Variants in NCOR2 observed in about 807,000 individuals in gnomAD.
NCOR2 encodes nuclear receptor corepressor 2.
Under a neutral mutation model 262.9 loss-of-function variants are expected in NCOR2, and 81 were observed. That is an observed-to-expected ratio of 0.31 (90% CI 0.26 to 0.37). NCOR2 has a LOEUF of 0.37. Ranked by LOEUF, NCOR2 falls within the 10% of genes least tolerant of loss-of-function variation. The probability of loss-of-function intolerance (pLI) is 1.00; values close to 1 mark genes in which losing one functional copy is unlikely to be tolerated. For missense variants in NCOR2, 3,385 were observed against 3,621.4 expected, an observed-to-expected ratio of 0.93 and a Z score of 1.68; for synonymous variants, 1,659 against 1,559.3, an observed-to-expected ratio of 1.06 and a Z score of -1.51.
intron 1 of NCOR2, among the ~76,000 whole-genome samples, chr12:124,550,362 G>A (rs1239744964): frequency 6.6e-6 from 1 of 152,112 alleles, no homozygotes; most frequent in Non-Finnish European, 1.5e-5. Context: ...CTGAACCCAG[G>A]TCCCACTGAC....
At chr12:124,474,364 C>T (rs555339035) in intron 3 of NCOR2, among the ~76,000 whole-genome samples, 14 of 152,236 alleles carry the variant, frequency 9.2e-5, no homozygotes, top group African/African-American at 3.4e-4. Context: ...TTTATTTGCC[C>T]GTTATTTTTT....
chr12:124,533,772 G>A (rs1196103922), intron 1 of NCOR2, among the ~76,000 whole-genome samples: 3 of 152,148 alleles, frequency 2.0e-5, no homozygotes, highest in Non-Finnish European at 4.4e-5. Flanking sequence ...GTGGGAGCAC[G>A]ATGGGGGTGG....
At chr12:124,441,763 A>G (rs2044825289) in intron 7 of NCOR2, among the ~76,000 whole-genome samples, 1 of 152,206 alleles carries the variant, frequency 6.6e-6, no homozygotes, top group Admixed American at 6.5e-5. Context: ...AACAGAGCAA[A>G]GGAGGGATAA....
chr12:124,388,281 G>A (rs2040966440), intron 16 of NCOR2, among the ~76,000 whole-genome samples: 2 of 152,186 alleles, frequency 1.3e-5, no homozygotes, highest in Non-Finnish European at 2.9e-5. Flanking sequence ...CTGCGGGGTA[G>A]GGGCAGGCTG....
chr12:124,350,472 C>T (rs1323811603), intron 28 of NCOR2, 115 bp downstream of exon 30: 6 of 1,372,696 alleles, frequency 4.4e-6, no homozygotes, highest in Non-Finnish European at 6.0e-6. Context: ...GAGGTCACCA[C>T]CTATCAGATT....
At position 124,362,581 on chromosome 12, in the gene NCOR2, C is replaced by T. The variant is rs367914186; in HGVS notation, c.2929-284G>A. ...TGGTGAACAGGGGGAACCCACCTCC[C>T]CAGACAGCCTAGCCCAGCTGCCTGG... On this transcript the variant is annotated intron_variant, in intron 21 of 46. Transcript: ENST00000405201. Among the ~76,000 whole-genome samples, 150 of 146,084 alleles carry T rather than the reference C, an allele frequency of 1.0e-3. 1 individual carries two copies. The highest frequency in any genetic ancestry group is 3.8e-3 in the African/African-American group (147 of 38,844).
Position 124,377,075 on chromosome 12 carries a change from C to T in NCOR2, c.2167+1162G>A, listed in dbSNP as rs919787246. 1.6e-4 allele frequency among the ~76,000 whole-genome samples: 25 copies of T among 152,322 alleles called. 1 individual carries two copies. The highest frequency in any genetic ancestry group is 5.8e-4 in the African/African-American group (24 of 41,570). ...GTGGATGCACTCGTGACCGAGAGTG[C>T]GGGGCCAGGTGTCGGCAGCCCGTGT... On this transcript the variant is annotated intron_variant, in intron 18 of 46. Coordinates refer to ENST00000405201, the Ensembl canonical transcript of NCOR2.
chr12:124,327,279 A>T, intron 45 of NCOR2, 130 bp downstream of exon 47: 1 of 769,492 alleles, frequency 1.3e-6, no homozygotes. Flanking sequence ...AACGAGGTCA[A>T]ACACGCACAA....
chr12:124,465,951 C>A (rs927627089), intron 5 of NCOR2, among the ~76,000 whole-genome samples: 2 of 152,234 alleles, frequency 1.3e-5, no homozygotes, highest in Non-Finnish European at 2.9e-5. Context: ...ACAGTCCACA[C>A]CCATCTGAGT....
At chr12:124,444,509 A>C (rs1275415263) in intron 7 of NCOR2, among the ~76,000 whole-genome samples, 2 of 152,128 alleles carry the variant, frequency 1.3e-5, no homozygotes, top group African/African-American at 4.8e-5. Context: ...GGGGGCAATC[A>C]GGGGAGGCTT....
intron 16 of NCOR2, 79 bp downstream of exon 18, chr12:124,398,040 C>G (rs1300234687): frequency 6.4e-7 from 1 of 1,557,260 alleles, no homozygotes; most frequent in Non-Finnish European, 8.9e-7. Context: ...CCAAATGTGT[C>G]AACACCCTCC....
At chr12:124,341,046 C>T (rs1794973) in intron 34 of NCOR2, among the ~76,000 whole-genome samples, 66,035 of 152,134 alleles carry the variant, frequency 0.43, 17,836 homozygotes, top group Non-Finnish European at 0.59. Context: ...CTGACGCCTA[C>T]ACAATCCATT....
chr12:124,408,784 C>T (rs1031217720), intron 13 of NCOR2, among the ~76,000 whole-genome samples: 2 of 152,076 alleles, frequency 1.3e-5, no homozygotes, highest in African/African-American at 4.8e-5. Flanking sequence ...AGAAAGAAAG[C>T]GAAGGTTACA....
Position 124,325,489 on chromosome 12 carries a change from C to A in NCOR2, c.7458G>T (p.Gly2486=), listed in dbSNP as rs977063808. ...AGGCGTGGTGGGGGCCAGCGAGGGG[C>A]CCGCTGCCCGCGGGGAGGCCCGGTG... The change falls in exon 47 of 47, where the codon GGG becomes GGT. Residue 2486 remains glycine, a synonymous_variant. Transcript: ENST00000405201. 10 of 1,349,888 alleles carry A rather than the reference C, an allele frequency of 7.4e-6. No individual in the cohort carries two copies. The South Asian group carries it at 1.7e-4, about 23-fold the overall frequency. The allele number at this position is 1,349,888 out of a possible 1,614,324, so 83.6% of individuals were successfully genotyped here.
intron 16 of NCOR2, among the ~76,000 whole-genome samples, chr12:124,387,260 G>GCTGC (rs1436557462): frequency 7.7e-6 from 1 of 129,712 alleles, no homozygotes; most frequent in African/African-American, 3.0e-5. Context: ...CCACGTGCTG[G>GCTGC]CTGCCTGCCT....
At chr12:124,546,862 A>G (rs1464268706) in intron 1 of NCOR2, among the ~76,000 whole-genome samples, 1 of 152,218 alleles carries the variant, frequency 6.6e-6, no homozygotes, top group Non-Finnish European at 1.5e-5. Context: ...CATCCCGGGA[A>G]TCAGATCAAC....
intron 5 of NCOR2, among the ~76,000 whole-genome samples, chr12:124,461,789 A>G (rs2046178971): frequency 1.3e-5 from 2 of 152,212 alleles, no homozygotes; most frequent in East Asian, 3.8e-4. Context: ...ACGAATACCT[A>G]TATACATGCC....
Position 124,473,009 on chromosome 12 carries a change from G to A in NCOR2, c.534C>T (p.Arg178=), listed in dbSNP as rs757994990. The A allele has an allele frequency of 2.7e-5, 44 of 1,614,018 alleles. No individual in the cohort carries two copies. The highest frequency in any genetic ancestry group is 8.0e-5 in the African/African-American group (6 of 74,912). The change falls in exon 4 of 47, where the codon CGC becomes CGT. Residue 178 remains arginine (R), a synonymous_variant. Coordinates refer to ENST00000405201, the Ensembl canonical transcript of NCOR2. Reference sequence around the variant, plus strand: ...CTACCATGGTGATCTCTCGGTCCACGCGGTCCATGTTCTGGATCAGCTCCT... The same window carrying A: ...CTACCATGGTGATCTCTCGGTCCACACGGTCCATGTTCTGGATCAGCTCCT...
At chr12:124,373,734 C>A (rs1288315756) in intron 19 of NCOR2, among the ~76,000 whole-genome samples, 1 of 51,292 alleles carries the variant, frequency 1.9e-5, no homozygotes, top group Non-Finnish European at 4.3e-5. Context: ...TGCGCAGGGG[C>A]CCCGGGCACA....
Sources: allele counts gnomAD v4.1 joint callset (sites outside exome capture counted in the v4.1 genomes callset), GRCh38; gene constraint gnomAD v4.1.1; transcripts MANE v1.5; gene names NCBI Gene and HGNC (gene_info 2026-07-23, HGNC 2026-07-21).